The following ZIM2 variants were observed in gnomAD, a reference collection of about 807,000 sequenced individuals.
The protein encoded by ZIM2 is zinc finger imprinted 2, also known as zinc finger protein 656.
A neutral mutation model predicts 38.6 loss-of-function variants in ZIM2; 14 were observed. The observed-to-expected ratio is 0.36, with a 90% CI of 0.24 to 0.57. The LOEUF is 0.57. Ranked by LOEUF, ZIM2 falls within the 20% of genes least tolerant of loss-of-function variation. ZIM2 has a pLI of 0.81. For missense variants in ZIM2, 680 were observed against 695.1 expected (o/e 0.98, Z 0.24); for synonymous variants, 247 against 245.8 (o/e 1.00, Z -0.04).
At chr19:56,800,937 T>A (rs1274349494) in intron 9 of ZIM2, among the ~76,000 whole-genome samples, 9 of 148,322 alleles carry the variant, frequency 6.1e-5, no homozygotes, top group Admixed American at 6.0e-4. Flanking sequence ...GGTATTACTT[T>A]TTTTTTTTTT....
Position 56,836,969 on chromosome 19 carries a change from C to CAAAAAAA in ZIM2, c.-313-872_-313-866dup, listed in dbSNP as rs573566620. Reference sequence around the variant, plus strand: ...TGGGTGAGAGGGCCAGACTCTGTCTCAAAAAAAAAAAAAAAAAAAAAAAAA... The same window carrying CAAAAAAA: ...TGGGTGAGAGGGCCAGACTCTGTCTCAAAAAAAAAAAAAAAAAAAAAAAAAAAAAAAA... On this transcript the variant is annotated intron_variant, in intron 1 of 12. Transcript: ENST00000629319. Among the ~76,000 whole-genome samples the CAAAAAAA allele has an allele frequency of 1.6e-4, 19 of 116,982 alleles. No homozygotes were observed. In the East Asian group the frequency reaches 2.6e-3, roughly 16 times the overall value. The allele number at this position is 116,982 out of a possible 152,430, so 76.7% of individuals were successfully genotyped here. A position where few individuals can be genotyped will look rare whatever the true frequency, so the allele number is the denominator to read the frequency against.
In ZIM2 at chr19:56,789,947, G is replaced by A; in HGVS notation, c.495C>T (p.Phe165=). 1.3e-6 allele frequency: 2 copies of A among 1,557,376 alleles called. No individual in the cohort carries two copies. Among genetic ancestry groups the A allele is most frequent in the Non-Finnish European group, 1.8e-6 (2 of 1,141,920 alleles). Reference sequence around the variant, plus strand: ...CTGCAGGGACAGAGTCCTGAGCAAGGAAACCTAGAAGGGAGAGAGGAATAC... The same window carrying A: ...CTGCAGGGACAGAGTCCTGAGCAAGAAAACCTAGAAGGGAGAGAGGAATAC... ...RSAYPSTSRG[F]LAQDSVPAEK... is the part of the protein sequence containing the mutation. Residue 165 remains phenylalanine, a synonymous_variant, in exon 10 of 13, where the codon TTC becomes TTT. Transcript: ENST00000629319.
chr19:56,789,986 C>A (rs1449138220), intron 9 of ZIM2, 35 bp from the exon 10 acceptor site: 30 of 1,489,168 alleles, frequency 2.0e-5, no homozygotes, highest in Non-Finnish European at 2.7e-5. Context: ...GGAATTGAGT[C>A]CTGTCTGGTA....
intron 2 of ZIM2, among the ~76,000 whole-genome samples, chr19:56,828,797 T>C (rs1382475007): frequency 1.2e-4 from 18 of 152,152 alleles, no homozygotes; most frequent in Non-Finnish European, 2.9e-5. Flanking sequence ...TTACTTAACA[T>C]CAAAAATCAA....
intron 9 of ZIM2, among the ~76,000 whole-genome samples, chr19:56,806,088 TAG>T (rs1370940999): frequency 2.0e-5 from 3 of 152,168 alleles, no homozygotes; most frequent in Non-Finnish European, 4.4e-5. Context: ...ATATATATAA[TAG>T]AGTGTGCAAA....
intron 10 of ZIM2, among the ~76,000 whole-genome samples, chr19:56,787,312 C>T (rs1428407087): frequency 6.6e-6 from 1 of 152,044 alleles, no homozygotes; most frequent in South Asian, 2.1e-4. Context: ...GAGTCTCACT[C>T]TCACTCAGGC....
chr19:56,821,202 G>A (rs1225959635), intron 7 of ZIM2, among the ~76,000 whole-genome samples: 1 of 152,206 alleles, frequency 6.6e-6, no homozygotes, highest in Non-Finnish European at 1.5e-5. Flanking sequence ...TTCAGCTTAT[G>A]AGTAAATGGC....
chr19:56,781,664 A>G (rs2046338324), intron 11 of ZIM2, among the ~76,000 whole-genome samples: 1 of 152,108 alleles, frequency 6.6e-6, no homozygotes, highest in Admixed American at 6.5e-5. Context: ...GTCAATAATA[A>G]CAACAACAAT....
At position 56,782,126 on chromosome 19, in the gene ZIM2, C is replaced by A. The variant is rs769493677; in HGVS notation, c.571-5G>T. On this transcript the variant is annotated splice_region_variant and splice_polypyrimidine_tract_variant and intron_variant, in intron 10 of 12. Coordinates refer to ENST00000629319, the MANE Select transcript of ZIM2 (RefSeq NM_001387356.1). ...TAAGTGTTTGAAGTCCGGGAACTAT[C>A]CCAGAGAGAGGAGAAGGGACGTGAT... 1.2e-6 allele frequency: 2 copies of A among 1,612,894 alleles called. No individual in the cohort carries two copies. The highest frequency in any genetic ancestry group is 1.1e-5 in the South Asian group (1 of 90,954).
chr19:56,797,985 T>C (rs1360222923), intron 9 of ZIM2: 1 of 152,236 alleles, frequency 6.6e-6, no homozygotes, highest in Non-Finnish European at 1.5e-5. Context: ...TCTTTTCTTC[T>C]CTGCCAGCTT....
Position 56,774,994 on chromosome 19 carries a change from A to T in ZIM2, c.1371T>A (p.His457Gln), listed in dbSNP as rs1387129981. 1.9e-6 allele frequency: 3 copies of T among 1,614,182 alleles called. No homozygotes were observed. In the South Asian group the frequency reaches 3.3e-5, roughly 18 times the overall value. Residue 457 changes from histidine to glutamine, a missense_variant, in exon 13 of 13, where the codon CAT becomes CAA. Transcript: ENST00000629319. ...CATGGGCTTTGAGATGTTGAAGAAGATGCACATTCTGGAGAAAAGCTTTGC... is the reference window on the plus strand; with the variant it reads ...CATGGGCTTTGAGATGTTGAAGAAGTTGCACATTCTGGAGAAAAGCTTTGC... ...QCGKAFLQNV[H>Q]LLQHLKAHEA...
intron 2 of ZIM2, among the ~76,000 whole-genome samples, chr19:56,830,947 AAAAAT>A (rs961842046): frequency 9.2e-5 from 14 of 151,972 alleles, no homozygotes; most frequent in South Asian, 2.1e-4. Flanking sequence ...AAAAACAATA[AAAAAT>A]AAAATAAAAT....
In ZIM2 at chr19:56,814,452, T is replaced by A; in HGVS notation, c.490+3294A>T. 1 of 1,613,980 alleles carries A rather than the reference T, an allele frequency of 6.2e-7. No individual in the cohort carries two copies. The highest frequency in any genetic ancestry group is 8.5e-7 in the Non-Finnish European group (1 of 1,179,828). On this transcript the variant is annotated intron_variant, in intron 9 of 12. Transcript: ENST00000629319. The surrounding 1 kb of genome is among the most constrained non-coding windows in gnomAD (Gnocchi z 5.8). ...TACCACAATCCTTGCATTCATAGAA[T>A]GGTATAGCTCCTTTGAGGGGCTCAG...
chr19:56,790,077 T>C (rs1443965192), intron 9 of ZIM2, 126 bp from the exon 10 acceptor site: 8 of 633,664 alleles, frequency 1.3e-5, no homozygotes, highest in Non-Finnish European at 1.9e-5. Context: ...AGAGTTCCTA[T>C]GGTGAGAAAG....
In ZIM2 at chr19:56,814,092, A is replaced by G. The variant is rs1459861407; in HGVS notation, c.490+3654T>C. On this transcript the variant is annotated intron_variant, in intron 9 of 12. Coordinates refer to ENST00000629319, the MANE Select transcript of ZIM2 (RefSeq NM_001387356.1). This position sits in a 1 kb window ranked among gnomAD's most constrained non-coding sequence, Gnocchi z 5.8. ...CAATACCTGCACCATCTGGCTCATCAGCATCCCCATTTGGCTGCTCGGCCT... is the reference window on the plus strand; with the variant it reads ...CAATACCTGCACCATCTGGCTCATCGGCATCCCCATTTGGCTGCTCGGCCT... The G allele has an allele frequency of 8.1e-6, 13 of 1,613,780 alleles. No homozygotes were observed. The highest frequency in any genetic ancestry group is 5.3e-5 in the African/African-American group (4 of 74,820).
chr19:56,795,086 G>A (rs560046358), intron 9 of ZIM2, among the ~76,000 whole-genome samples: 2 of 151,156 alleles, frequency 1.3e-5, no homozygotes, highest in South Asian at 2.1e-4. Context: ...GCAGAGTCTC[G>A]CTCAGTCGCC....
rs78669630 is a variant in ZIM2 at position 56,804,627 on chromosome 19, G to A, written c.490+13119C>T. ...TCCATTTTACAGAAGAGGAAACTGA[G>A]ACAAGAAAGCTTCACTAACTTGTCC... On this transcript the variant is annotated intron_variant, in intron 9 of 12. Coordinates refer to ENST00000629319, the MANE Select transcript of ZIM2 (RefSeq NM_001387356.1). 8.1e-3 allele frequency among the ~76,000 whole-genome samples: 1,240 copies of A among 152,306 alleles called. 10 individuals carry two copies. Among genetic ancestry groups the A allele is most frequent in the Non-Finnish European group, 0.014 (932 of 68,026 alleles).
intron 3 of ZIM2, among the ~76,000 whole-genome samples, chr19:56,825,566 C>CT (rs2060941907): frequency 1.3e-5 from 1 of 76,630 alleles, no homozygotes; most frequent in African/African-American, 2.9e-5. Flanking sequence ...TTCAATCTCT[C>CT]CTTTTTTTTA....
intron 2 of ZIM2, among the ~76,000 whole-genome samples, chr19:56,827,227 C>T (rs1481710410): frequency 6.6e-6 from 1 of 152,158 alleles, no homozygotes; most frequent in Non-Finnish European, 1.5e-5. Context: ...TGTATCTTGT[C>T]ACAAGGTGGA....
Sources: allele counts gnomAD v4.1 joint callset (sites outside exome capture counted in the v4.1 genomes callset), GRCh38; gene constraint gnomAD v4.1.1; non-coding constraint Gnocchi (gnomAD v3.1); transcripts MANE v1.5; gene names NCBI Gene and HGNC (gene_info 2026-07-23, HGNC 2026-07-21).